The following NDUFS4 variants were observed in gnomAD, a reference collection of about 807,000 sequenced individuals.
NDUFS4 encodes the protein NADH:ubiquinone oxidoreductase subunit S4.
Under a neutral mutation model 24.3 loss-of-function variants are expected in NDUFS4, and 28 were observed. That is an observed-to-expected ratio of 1.15 (90% CI 0.85 to 1.58). The LOEUF (loss-of-function observed/expected upper bound fraction) is 1.58. Among genes scored for constraint, NDUFS4 ranks in the 40% most tolerant of loss-of-function variants. NDUFS4 has a pLI of 0.00. For missense variants in NDUFS4, 223 were observed against 207.9 expected (o/e 1.07, Z -0.45); for synonymous variants, 93 against 69.7 (o/e 1.34, Z -1.67).
chr5:53,573,709 C>A, intron 1 of NDUFS4: 1 of 333,250 alleles, frequency 3.0e-6, no homozygotes, highest in South Asian at 2.5e-5. Flanking sequence ...CCACCTCAGC[C>A]TCCCAGGCAG....
intron 4 of NDUFS4, among the ~76,000 whole-genome samples, chr5:53,674,491 T>C (rs921899371): frequency 1.3e-5 from 2 of 152,188 alleles, no homozygotes; most frequent in Non-Finnish European, 2.9e-5. Context: ...CCTATCATTA[T>C]CAATGGATTA....
At chr5:53,630,132 C>G (rs995501470) in intron 2 of NDUFS4, among the ~76,000 whole-genome samples, 3 of 152,152 alleles carry the variant, frequency 2.0e-5, no homozygotes, top group Non-Finnish European at 2.9e-5. Context: ...TTCTCCTTCA[C>G]TTATGAAGCT....
At chr5:53,620,519 A>G (rs887883291) in intron 2 of NDUFS4, among the ~76,000 whole-genome samples, 1 of 152,208 alleles carries the variant, frequency 6.6e-6, no homozygotes, top group African/African-American at 2.4e-5. Flanking sequence ...AGGCCAATGC[A>G]TAGCAGTTAG....
intron 1 of NDUFS4, among the ~76,000 whole-genome samples, chr5:53,584,088 A>C (rs1749663619): frequency 6.6e-6 from 1 of 152,204 alleles, no homozygotes; most frequent in South Asian, 2.1e-4. Context: ...CCCAATGCAC[A>C]GTTATTTCTC....
At chr5:53,664,132 CT>C (rs769311066) in intron 4 of NDUFS4, among the ~76,000 whole-genome samples, 8 of 152,264 alleles carry the variant, frequency 5.3e-5, no homozygotes, top group Middle Eastern at 3.4e-3. Flanking sequence ...GTTGAAAATT[CT>C]TTTCTTTAAG....
At chr5:53,647,816 A>T (rs748981673) in intron 3 of NDUFS4, among the ~76,000 whole-genome samples, 75 of 152,158 alleles carry the variant, frequency 4.9e-4, no homozygotes, top group Non-Finnish European at 1.1e-3. Context: ...TTGCCTGTTG[A>T]TTACTTGGGA....
At chr5:53,674,334 T>G (rs1440871089) in intron 4 of NDUFS4, among the ~76,000 whole-genome samples, 2 of 152,122 alleles carry the variant, frequency 1.3e-5, no homozygotes, top group East Asian at 3.9e-4. Context: ...GGCACATGAG[T>G]GTCTTATGAC....
chr5:53,588,799 T>C (rs75138881), intron 1 of NDUFS4, among the ~76,000 whole-genome samples: 2,944 of 152,294 alleles, frequency 0.019, 88 homozygotes, highest in African/African-American at 0.066. Flanking sequence ...TCATGTCTTA[T>C]ATTGTCACCA....
At chr5:53,586,260 T>C (rs944721101) in intron 1 of NDUFS4, among the ~76,000 whole-genome samples, 8 of 143,938 alleles carry the variant, frequency 5.6e-5, no homozygotes, top group African/African-American at 2.1e-4. Flanking sequence ...ACCTGGGAGA[T>C]GGAAGTTGCA....
chr5:53,680,596 C>CA (rs1322620294), intron 4 of NDUFS4, among the ~76,000 whole-genome samples: 2 of 150,054 alleles, frequency 1.3e-5, no homozygotes, highest in East Asian at 2.0e-4. Flanking sequence ...ATCGCAAGGA[C>CA]AAAAAACCAA....
At chr5:53,659,485 C>T (rs1372351106) in intron 4 of NDUFS4, among the ~76,000 whole-genome samples, 7 of 152,214 alleles carry the variant, frequency 4.6e-5, no homozygotes, top group Admixed American at 3.9e-4. Flanking sequence ...CTTGATACCT[C>T]ATGAAGTGGG....
chr5:53,646,049 T>A, intron 2 of NDUFS4, 184 bp from the exon 3 acceptor site: 1 of 543,536 alleles, frequency 1.8e-6, no homozygotes, highest in Non-Finnish European at 3.3e-6. Flanking sequence ...AATAAACCAT[T>A]TACAGGTATC....
intron 1 of NDUFS4, among the ~76,000 whole-genome samples, chr5:53,602,242 A>G (rs2112455565): frequency 6.6e-6 from 1 of 152,336 alleles, no homozygotes; most frequent in African/African-American, 2.4e-5. Context: ...AATAGGTATT[A>G]AGAGTTGCTT....
At chr5:53,659,056 T>G (rs1238276988) in intron 4 of NDUFS4, among the ~76,000 whole-genome samples, 1 of 152,164 alleles carries the variant, frequency 6.6e-6, no homozygotes, top group African/African-American at 2.4e-5. Context: ...ACTCAATTAT[T>G]TGAAAATATT....
chr5:53,581,853 G>A (rs1302358788), intron 1 of NDUFS4, among the ~76,000 whole-genome samples: 4 of 152,180 alleles, frequency 2.6e-5, no homozygotes, highest in South Asian at 4.2e-4. Flanking sequence ...TAAAACAAGA[G>A]TTAAAAAAGA....
chr5:53,682,903 G>GTAAA (rs965666219), intron 4 of NDUFS4, among the ~76,000 whole-genome samples: 17 of 151,544 alleles, frequency 1.1e-4, no homozygotes, highest in African/African-American at 3.9e-4. Context: ...TTGAGATATG[G>GTAAA]TAAATAATCT....
chr5:53,572,998 C>G (rs1334756860), intron 1 of NDUFS4, among the ~76,000 whole-genome samples: 1 of 117,774 alleles, frequency 8.5e-6, no homozygotes, highest in African/African-American at 3.3e-5. Flanking sequence ...GAGACCAGGT[C>G]TTGCTCTGTT....
chr5:53,599,434 A>T (rs1279262054), intron 1 of NDUFS4, among the ~76,000 whole-genome samples: 1 of 152,126 alleles, frequency 6.6e-6, no homozygotes, highest in Non-Finnish European at 1.5e-5. Flanking sequence ...CTGTTTTTAT[A>T]TACTAAAATG....
intron 4 of NDUFS4, among the ~76,000 whole-genome samples, chr5:53,665,198 CAGA>C (rs1360918482): frequency 6.6e-6 from 1 of 152,186 alleles, no homozygotes; most frequent in Non-Finnish European, 1.5e-5. Flanking sequence ...AGCTTTGTCT[CAGA>C]GGAGTACCTG....
Sources: allele counts gnomAD v4.1 joint callset (sites outside exome capture counted in the v4.1 genomes callset), GRCh38; gene constraint gnomAD v4.1.1; transcripts MANE v1.5; gene names NCBI Gene and HGNC (gene_info 2026-07-23, HGNC 2026-07-21).